The following CLIC4 variants were observed in gnomAD, a reference collection of about 807,000 sequenced individuals.
CLIC4 encodes CLIC family member 4, also known as chloride intracellular channel protein 4.
Under a neutral mutation model 24.6 loss-of-function variants are expected in CLIC4, and 13 were observed. The observed-to-expected ratio is 0.53, with a 90% CI of 0.34 to 0.84. CLIC4 has a LOEUF of 0.84. Ranked by LOEUF, CLIC4 falls within the 40% of genes least tolerant of loss-of-function variation. The pLI, the probability that CLIC4 is intolerant of heterozygous loss-of-function variation, is 0.01. For synonymous variants in CLIC4, 104 were observed against 111.3 expected, an observed-to-expected ratio of 0.93 and a Z score of 0.41; for missense variants, 227 against 301.7, an observed-to-expected ratio of 0.75 and a Z score of 1.83.
intron 1 of CLIC4, among the ~76,000 whole-genome samples, chr1:24,768,120 T>G (rs1013898952): frequency 5.3e-5 from 8 of 152,040 alleles, no homozygotes; most frequent in African/African-American, 1.7e-4. Context: ...GGATTACAGG[T>G]ATGAGCCACC....
At position 24,820,016 on chromosome 1, in the gene CLIC4, C is replaced by T. The variant is rs1323356642; in HGVS notation, c.308+5797C>T. On this transcript the variant is annotated intron_variant, in intron 3 of 5. Transcript: ENST00000374379. ...TCAGCCTCCCAAAGTGCTGGGATTA[C>T]AGGCATGAGCTACCGCGCCCAGCCA... 2.3e-5 allele frequency among the ~76,000 whole-genome samples: 3 copies of T among 132,722 alleles called. No individual in the cohort carries two copies. The Admixed American group carries it at 2.5e-4, about 11-fold the overall frequency. 87.1% of individuals were successfully genotyped at this position (132,722 alleles called of 152,430 possible). A position where few individuals can be genotyped will look rare whatever the true frequency, so the allele number is the denominator to read the frequency against.
At chr1:24,814,334 A>T in intron 3 of CLIC4, 115 bp downstream of exon 3, 1 of 1,173,118 alleles carries the variant, frequency 8.5e-7, no homozygotes, top group South Asian at 1.5e-5. Flanking sequence ...ACTCTCTTCT[A>T]TGTTTCTTAT....
At chr1:24,797,699 CA>C (rs1639420075) in intron 1 of CLIC4, 42 bp from the exon 2 acceptor site, 1 of 1,371,548 alleles carries the variant, frequency 7.3e-7, no homozygotes, top group Non-Finnish European at 1.0e-6. Flanking sequence ...TGTTGAGTAT[CA>C]TCACTTTGAC....
chr1:24,753,785 C>T (rs931172800), intron 1 of CLIC4, among the ~76,000 whole-genome samples: 4 of 152,124 alleles, frequency 2.6e-5, no homozygotes, highest in African/African-American at 4.8e-5. Flanking sequence ...TTCAGTGGCA[C>T]TTGGGAAGGT....
chr1:24,793,934 C>T (rs1639368674), intron 1 of CLIC4, among the ~76,000 whole-genome samples: 1 of 152,196 alleles, frequency 6.6e-6, no homozygotes, highest in Non-Finnish European at 1.5e-5. Context: ...CTTTTACCAG[C>T]ATCTTTGAAT....
chr1:24,748,526 G>A (rs527287948), intron 1 of CLIC4, among the ~76,000 whole-genome samples: 32 of 70,716 alleles, frequency 4.5e-4, no homozygotes, highest in African/African-American at 1.4e-3. Flanking sequence ...TTTTTTTAAT[G>A]AGATGGTGTC....
chr1:24,835,911 T>G (rs1639881388), intron 4 of CLIC4, among the ~76,000 whole-genome samples: 1 of 152,184 alleles, frequency 6.6e-6, no homozygotes, highest in Admixed American at 6.5e-5. Context: ...ATATTCCAAA[T>G]GAAAAAACAA....
chr1:24,811,097 C>A (rs1639610263), intron 2 of CLIC4, among the ~76,000 whole-genome samples: 1 of 148,862 alleles, frequency 6.7e-6, no homozygotes, highest in Non-Finnish European at 1.5e-5. Context: ...AAAAAAAAAT[C>A]ATTTACTAAT....
At chr1:24,784,400 GT>G (rs2124116259) in intron 1 of CLIC4, among the ~76,000 whole-genome samples, 1 of 152,280 alleles carries the variant, frequency 6.6e-6, no homozygotes, top group Admixed American at 6.5e-5. Flanking sequence ...CTCTAAATTA[GT>G]GGTCTTAACC....
intron 1 of CLIC4, among the ~76,000 whole-genome samples, chr1:24,775,480 A>C (rs1476407063): frequency 6.7e-6 from 1 of 150,216 alleles, no homozygotes; most frequent in Non-Finnish European, 1.5e-5. Context: ...AAATTGAATA[A>C]TTTCTTGGTT....
Position 24,841,097 on chromosome 1 carries a change from A to C in CLIC4, c.*160A>C. 5.9e-6 allele frequency: 3 copies of C among 510,468 alleles called. No individual in the cohort carries two copies. The highest frequency in any genetic ancestry group is 1.0e-5 in the Non-Finnish European group (3 of 300,726). The allele number at this position is 510,468 out of a possible 1,614,324, so 31.6% of individuals were successfully genotyped here. ...GACAAGGTATAGTAGTTATCTTAAA[A>C]TATACACTCCTAAGCAGTATTATTT... On this transcript the variant is annotated 3_prime_UTR_variant, in exon 6 of 6. Coordinates refer to ENST00000374379, the MANE Select transcript of CLIC4 (RefSeq NM_013943.3).
chr1:24,750,350 C>T (rs564200935), intron 1 of CLIC4, among the ~76,000 whole-genome samples: 1 of 152,150 alleles, frequency 6.6e-6, no homozygotes, highest in African/African-American at 2.4e-5. Context: ...AGCTGGGAAC[C>T]ACCAACAGAT....
chr1:24,781,983 C>G (rs1639211142), intron 1 of CLIC4, among the ~76,000 whole-genome samples: 1 of 152,066 alleles, frequency 6.6e-6, no homozygotes, highest in African/African-American at 2.4e-5. Context: ...CTATTGTACG[C>G]TTTATGGTTT....
chr1:24,767,059 A>G (rs1376142337), intron 1 of CLIC4, among the ~76,000 whole-genome samples: 1 of 150,744 alleles, frequency 6.6e-6, no homozygotes, highest in East Asian at 1.9e-4. Context: ...GAAAAAGAAA[A>G]GAAAAACCAA....
At chr1:24,835,671 C>A (rs970908281) in intron 4 of CLIC4, among the ~76,000 whole-genome samples, 1 of 152,012 alleles carries the variant, frequency 6.6e-6, no homozygotes, top group African/African-American at 2.4e-5. Context: ...TTTGCATTAT[C>A]CTGGAAGTGG....
intron 2 of CLIC4, among the ~76,000 whole-genome samples, chr1:24,809,669 C>T (rs541111451): frequency 6.6e-6 from 1 of 152,182 alleles, no homozygotes; most frequent in East Asian, 1.9e-4. Context: ...TCATGTTGCC[C>T]AGGTTGGTCT....
chr1:24,745,632 G>A lies in CLIC4; in HGVS notation c.72+7G>A, dbSNP rs146532129. On this transcript the variant is annotated splice_region_variant and intron_variant, in intron 1 of 5. Transcript: ENST00000374379. ...CATCGAGCTCTTCGTCAAGGTGAGC[G>A]CTCGCCTCGCGGTCCCGCCCGGCAG... is the stretch of plus-strand genomic sequence containing the variant. 1 of 1,548,844 alleles carries A rather than the reference G, an allele frequency of 6.5e-7. No homozygotes were observed. The highest frequency in any genetic ancestry group is 8.7e-7 in the Non-Finnish European group (1 of 1,150,268).
intron 1 of CLIC4, among the ~76,000 whole-genome samples, chr1:24,747,505 G>C (rs184734020): frequency 1.5e-5 from 2 of 130,982 alleles, no homozygotes; most frequent in African/African-American, 5.8e-5. Flanking sequence ...CTGTACTCCA[G>C]CCTGGGCAAC....
chr1:24,810,556 A>G (rs2124148236), intron 2 of CLIC4, among the ~76,000 whole-genome samples: 1 of 152,262 alleles, frequency 6.6e-6, no homozygotes, highest in East Asian at 1.9e-4. Context: ...TATATTAGAA[A>G]TTAAAGTTGA....
Sources: gnomAD v4.1 joint callset for allele counts (sites outside exome capture counted in the v4.1 genomes callset) on GRCh38, gnomAD v4.1.1 for gene constraint, MANE v1.5 for transcripts, NCBI Gene and HGNC (gene_info 2026-07-23, HGNC 2026-07-21) for gene names.